Variants in BCL2L13 observed in about 807,000 individuals in gnomAD.
BCL2L13 encodes bcl-2-like protein 13.
BCL2L13 carries 13 observed loss-of-function variants against 25.8 expected under a neutral mutation model. The ratio of observed to expected loss-of-function variants is 0.50; its 90% CI spans 0.33 to 0.80. BCL2L13 has a LOEUF of 0.80. Ranked by LOEUF, BCL2L13 falls within the 30% of genes least tolerant of loss-of-function variation. The pLI is 0.02. For synonymous variants in BCL2L13, 244 were observed against 230.3 expected, an observed-to-expected ratio of 1.06 and a Z score of -0.54; for missense variants, 504 against 574.9, an observed-to-expected ratio of 0.88 and a Z score of 1.26.
At chr22:17,630,935 T>C (rs924612734) in intron 1 of BCL2L13, among the ~76,000 whole-genome samples, 5 of 151,888 alleles carry the variant, frequency 3.3e-5, no homozygotes, top group Admixed American at 1.3e-4. Flanking sequence ...TTTATAACCT[T>C]CTTATAACCT....
intron 1 of BCL2L13, among the ~76,000 whole-genome samples, chr22:17,629,818 T>TACACACAC (rs3044578): frequency 0.046 from 6,878 of 148,122 alleles, 256 homozygotes; most frequent in African/African-American, 0.1. Flanking sequence ...TTTATTTTCA[T>TACACACAC]ACACACACAC....
intron 1 of BCL2L13, among the ~76,000 whole-genome samples, chr22:17,646,949 A>ATTT (rs1568923699): frequency 5.7e-4 from 13 of 22,958 alleles, no homozygotes; most frequent in African/African-American, 2.0e-3. Context: ...ATATATATAT[A>ATTT]TATATATTTT....
At chr22:17,720,661 G>A (rs1001394826) in intron 6 of BCL2L13, among the ~76,000 whole-genome samples, 18 of 150,622 alleles carry the variant, frequency 1.2e-4, no homozygotes, top group African/African-American at 4.4e-4. Context: ...CACCGTGCCC[G>A]GCCTTAATTT....
Position 17,661,828 on chromosome 22 carries a change from C to G in BCL2L13, c.121+5996C>G, listed in dbSNP as rs1196176440. Among the ~76,000 whole-genome samples the G allele has an allele frequency of 1.5e-5, 2 of 136,038 alleles. 1 individual carries two copies. Among genetic ancestry groups the G allele is most frequent in the Non-Finnish European group, 3.4e-5 (2 of 58,088 alleles). The allele number at this position is 136,038 out of a possible 152,430, so 89.2% of individuals were successfully genotyped here. A position where few individuals can be genotyped will look rare whatever the true frequency, so the allele number is the denominator to read the frequency against. On this transcript the variant is annotated intron_variant, in intron 2 of 6. Transcript: ENST00000317582. The stretch of plus-strand genomic sequence containing the variant: ...CCCACATGGAGAAACCCTGTCTCTA[C>G]TAAAAATACAAAATTAGGTGGGTGT...
chr22:17,726,636 G>C, intron 6 of BCL2L13, 41 bp from the exon 7 acceptor site: 1 of 1,574,192 alleles, frequency 6.4e-7, no homozygotes, highest in Non-Finnish European at 8.6e-7. Flanking sequence ...GTTTTAAATA[G>C]TTACCATTCT....
intron 4 of BCL2L13, among the ~76,000 whole-genome samples, chr22:17,690,365 T>A (rs2060071016): frequency 6.6e-6 from 1 of 152,096 alleles, no homozygotes; most frequent in African/African-American, 2.4e-5. Context: ...GTAAGCAAAG[T>A]ATATATCGAT....
At position 17,711,387 on chromosome 22, in the gene BCL2L13, T is replaced by G. The variant is rs1485789589; in HGVS notation, c.600+9001T>G. The stretch of plus-strand genomic sequence containing the variant: ...ATCTCGGCTCACTGCATCCTTTACC[T>G]CCTGGGCTCAAACGATCCTCCCACC... On this transcript the variant is annotated intron_variant, in intron 6 of 6. Transcript: ENST00000317582. 2.8e-5 allele frequency among the ~76,000 whole-genome samples: 4 copies of G among 145,398 alleles called. No homozygotes were observed. In the East Asian group the frequency reaches 8.3e-4, roughly 30 times the overall value.
At chr22:17,663,995 C>T (rs1047902912) in intron 2 of BCL2L13, among the ~76,000 whole-genome samples, 8 of 152,112 alleles carry the variant, frequency 5.3e-5, no homozygotes, top group South Asian at 2.1e-4. Flanking sequence ...ATTACAGGCA[C>T]GCGCCACCAT....
chr22:17,635,915 TGGCC>T (rs2058096857), upstream of BCL2L13, among the ~76,000 whole-genome samples: 1 of 151,728 alleles, frequency 6.6e-6, no homozygotes, highest in Non-Finnish European at 1.5e-5. Flanking sequence ...TTCACTGTGT[TGGCC>T]AGGATGGTCT....
At chr22:17,662,358 G>C (rs1039947639) in intron 2 of BCL2L13, among the ~76,000 whole-genome samples, 2 of 152,022 alleles carry the variant, frequency 1.3e-5, no homozygotes, top group Admixed American at 1.3e-4. Context: ...GGTGCCTGTA[G>C]TCCCAGCTAC....
intron 5 of BCL2L13, among the ~76,000 whole-genome samples, chr22:17,701,610 T>G (rs934143743): frequency 2.6e-5 from 4 of 152,152 alleles, no homozygotes; most frequent in African/African-American, 7.2e-5. Context: ...TTGGGTTGTT[T>G]TTCTAGTTTT....
intron 4 of BCL2L13, 126 bp downstream of exon 4, chr22:17,689,268 T>C: frequency 2.6e-6 from 2 of 772,428 alleles, no homozygotes; most frequent in Non-Finnish European, 3.8e-6. Flanking sequence ...TTTCTTTACA[T>C]TTTCTTCATT....
intron 2 of BCL2L13, among the ~76,000 whole-genome samples, chr22:17,675,549 G>A (rs1421777309): frequency 6.6e-6 from 1 of 152,172 alleles, no homozygotes. Context: ...GTTTGAAGGA[G>A]TGTTAGTAGC....
intron 5 of BCL2L13, among the ~76,000 whole-genome samples, chr22:17,701,688 G>T (rs902907371): frequency 6.6e-6 from 1 of 152,160 alleles, no homozygotes; most frequent in South Asian, 2.1e-4. Flanking sequence ...CACTTTGGGA[G>T]ACTGAGGTGG....
intron 1 of BCL2L13, among the ~76,000 whole-genome samples, chr22:17,642,650 A>G (rs1471443883): frequency 2.0e-5 from 3 of 151,408 alleles, no homozygotes; most frequent in East Asian, 1.9e-4. Context: ...CTGGAGTGCA[A>G]TAGTGCCATC....
At position 17,694,518 on chromosome 22, in the gene BCL2L13, T is replaced by A. The variant is rs191710502; in HGVS notation, c.387-1623T>A. ...AGGTGACTCCATTTAAAAAAAAAAA[T>A]TTTTTTTTAATTTTTAGTCTTGCAC... On this transcript the variant is annotated intron_variant, in intron 4 of 6. Transcript: ENST00000317582. 2.0e-3 allele frequency among the ~76,000 whole-genome samples: 310 copies of A among 151,526 alleles called. 3 individuals are homozygous for A. The highest frequency in any genetic ancestry group is 6.1e-3 in the African/African-American group (252 of 41,292).
At chr22:17,640,366 C>T (rs2058232629) in intron 1 of BCL2L13, among the ~76,000 whole-genome samples, 1 of 152,000 alleles carries the variant, frequency 6.6e-6, no homozygotes, top group African/African-American at 2.4e-5. Flanking sequence ...GTTGGATTCA[C>T]TTTTTATTTT....
At chr22:17,699,429 G>A (rs1198061540) in intron 5 of BCL2L13, among the ~76,000 whole-genome samples, 3 of 151,766 alleles carry the variant, frequency 2.0e-5, no homozygotes, top group Admixed American at 1.3e-4. Flanking sequence ...AATTTAAGTA[G>A]GTCTAACCTG....
chr22:17,642,771 A>G (rs1255923057), intron 1 of BCL2L13, among the ~76,000 whole-genome samples: 1 of 151,462 alleles, frequency 6.6e-6, no homozygotes, highest in Non-Finnish European at 1.5e-5. Flanking sequence ...TTTTTTTTGT[A>G]TTTTTTGTAG....
Sources: gnomAD v4.1 joint callset for allele counts (sites outside exome capture counted in the v4.1 genomes callset) on GRCh38, gnomAD v4.1.1 for gene constraint, MANE v1.5 for transcripts, NCBI Gene and HGNC (gene_info 2026-07-23, HGNC 2026-07-21) for gene names.